The following GALK2 variants were observed in gnomAD, a reference collection of about 807,000 sequenced individuals.
GALK2 encodes the protein N-acetylgalactosamine kinase.
Under a neutral mutation model 52.4 loss-of-function variants are expected in GALK2, and 36 were observed. The ratio of observed to expected loss-of-function variants is 0.69; its 90% confidence interval spans 0.53 to 0.91. The LOEUF (loss-of-function observed/expected upper bound fraction) is 0.91. Ranked by LOEUF, GALK2 falls within the 40% of genes least tolerant of loss-of-function variation. GALK2 has a pLI of 0.00. For missense variants in GALK2, 579 were observed against 559.1 expected, an observed-to-expected ratio of 1.04 and a Z score of -0.36; for synonymous variants, 176 against 199.1, an observed-to-expected ratio of 0.88 and a Z score of 0.98.
chr15:49,246,183 G>A (rs2091341658), intron 5 of GALK2, among the ~76,000 whole-genome samples: 1 of 152,306 alleles, frequency 6.6e-6, no homozygotes, highest in East Asian at 1.9e-4. Context: ...GATTTGGGTT[G>A]CTCTGATGTC....
chr15:49,211,006 C>CAT (rs1555405160), intron 2 of GALK2, among the ~76,000 whole-genome samples: 5 of 151,102 alleles, frequency 3.3e-5, no homozygotes, highest in Admixed American at 6.6e-5. Context: ...CACACACACA[C>CAT]GGCCTTTTCA....
chr15:49,222,056 T>C (rs986240661), intron 3 of GALK2, among the ~76,000 whole-genome samples: 2 of 152,194 alleles, frequency 1.3e-5, no homozygotes, highest in African/African-American at 4.8e-5. Flanking sequence ...TCTTTTCATT[T>C]GTTTGTGTCC....
At chr15:49,203,462 C>G (rs1414299823) in intron 2 of GALK2, among the ~76,000 whole-genome samples, 1 of 152,054 alleles carries the variant, frequency 6.6e-6, no homozygotes, top group Non-Finnish European at 1.5e-5. Flanking sequence ...ATATTTTATC[C>G]CTTTCAACAG....
At chr15:49,172,738 C>A (rs774338431) in intron 1 of GALK2, among the ~76,000 whole-genome samples, 55 of 152,008 alleles carry the variant, frequency 3.6e-4, no homozygotes, top group Non-Finnish European at 6.9e-4. Flanking sequence ...CTAATATTTT[C>A]TTTCTGTGTC....
At chr15:49,195,030 A>G (rs538127487) in intron 1 of GALK2, 4 of 445,386 alleles carry the variant, frequency 9.0e-6, no homozygotes, top group Non-Finnish European at 4.5e-6. Flanking sequence ...ATGTTGTATC[A>G]TCTTATCCAA....
intron 1 of GALK2, among the ~76,000 whole-genome samples, chr15:49,176,359 A>G (rs1316495613): frequency 6.6e-6 from 1 of 152,220 alleles, no homozygotes; most frequent in African/African-American, 2.4e-5. Flanking sequence ...AAAAACCACT[A>G]GTAACTACTG....
Position 49,319,588 on chromosome 15 carries a change from C to G in GALK2, c.968-16C>G. On this transcript the variant is annotated splice_polypyrimidine_tract_variant and intron_variant, in intron 8 of 9. Transcript: ENST00000560031. Reference sequence around the variant, plus strand: ...AACTATTCCTAACCTCCTTCCCCATCCTCTTCCTTCCTCAGTGCTCATCTT... The same window carrying G: ...AACTATTCCTAACCTCCTTCCCCATGCTCTTCCTTCCTCAGTGCTCATCTT... 1 of 1,612,722 alleles carries G rather than the reference C, an allele frequency of 6.2e-7. No individual in the cohort carries two copies. Among genetic ancestry groups the G allele is most frequent in the African/African-American group, 1.3e-5 (1 of 75,040 alleles).
chr15:49,280,983 TG>T (rs1315372794), intron 5 of GALK2, among the ~76,000 whole-genome samples: 11 of 152,172 alleles, frequency 7.2e-5, no homozygotes, highest in Admixed American at 7.2e-4. Context: ...ACTACGGGCA[TG>T]CACCACAATG....
At chr15:49,327,511 CTG>C (rs1425275197) in intron 9 of GALK2, 5 of 154,268 alleles carry the variant, frequency 3.2e-5, no homozygotes, top group African/African-American at 1.2e-4. Flanking sequence ...TTGTATAAGA[CTG>C]TACATTTTAA....
chr15:49,336,883 G>T (rs1474969282), intron 3 of GALK2, among the ~76,000 whole-genome samples: 1 of 152,114 alleles, frequency 6.6e-6, no homozygotes, highest in South Asian at 2.1e-4. Context: ...ACAGTATGCA[G>T]TGTCTATTGT....
chr15:49,198,148 C>T (rs1250866768), intron 1 of GALK2, among the ~76,000 whole-genome samples: 2 of 152,148 alleles, frequency 1.3e-5, no homozygotes, highest in Non-Finnish European at 1.5e-5. Flanking sequence ...AATTACCTAC[C>T]ATCTCTCATT....
intron 1 of GALK2, among the ~76,000 whole-genome samples, chr15:49,180,991 G>A (rs951940791): frequency 6.6e-6 from 1 of 151,748 alleles, no homozygotes; most frequent in Admixed American, 6.6e-5. Flanking sequence ...GTGAATTTTG[G>A]CTTACCTATT....
chr15:49,260,111 G>A (rs867813149), intron 5 of GALK2, among the ~76,000 whole-genome samples: 28 of 152,130 alleles, frequency 1.8e-4, no homozygotes, highest in African/African-American at 6.7e-4. Flanking sequence ...TGGGATGGCT[G>A]GGTGAAATGG....
chr15:49,320,071 C>T (rs76937890), intron 9 of GALK2, among the ~76,000 whole-genome samples: 2,609 of 152,128 alleles, frequency 0.017, 95 homozygotes, highest in African/African-American at 0.06. Flanking sequence ...AAGACCTTTC[C>T]GTCTTTGGAT....
chr15:49,319,885 A>T, intron 9 of GALK2, 80 bp downstream of exon 9: 3 of 1,196,408 alleles, frequency 2.5e-6, no homozygotes, highest in Non-Finnish European at 3.5e-6. Flanking sequence ...AACATTTCAT[A>T]ATCTACGGGA....
At chr15:49,215,721 T>A (rs552367042) in intron 2 of GALK2, among the ~76,000 whole-genome samples, 1 of 152,370 alleles carries the variant, frequency 6.6e-6, no homozygotes, top group South Asian at 2.1e-4. Flanking sequence ...TCCATCTTTC[T>A]GGGATTGGTC....
intron 1 of GALK2, among the ~76,000 whole-genome samples, chr15:49,196,067 C>T (rs2087203158): frequency 1.3e-5 from 2 of 151,922 alleles, no homozygotes; most frequent in Admixed American, 6.6e-5. Flanking sequence ...AATTCATTAG[C>T]TAATGGCTTA....
chr15:49,266,321 G>C (rs2092358152), intron 5 of GALK2, among the ~76,000 whole-genome samples: 1 of 152,098 alleles, frequency 6.6e-6, no homozygotes, highest in Admixed American at 6.5e-5. Flanking sequence ...AATGAGTGGA[G>C]AAACAGATTT....
At chr15:49,259,491 C>A (rs1036132859) in intron 5 of GALK2, among the ~76,000 whole-genome samples, 1 of 150,902 alleles carries the variant, frequency 6.6e-6, no homozygotes, top group Non-Finnish European at 1.5e-5. Flanking sequence ...TTTCCAATTT[C>A]ATCCAGGTCC....
Sources: gnomAD v4.1 joint callset for allele counts (sites outside exome capture counted in the v4.1 genomes callset) on GRCh38, gnomAD v4.1.1 for gene constraint, MANE v1.5 for transcripts, NCBI Gene and HGNC (gene_info 2026-07-23, HGNC 2026-07-21) for gene names.